The following CASZ1 variants were observed in gnomAD, a reference collection of about 807,000 sequenced individuals.
CASZ1 encodes the protein castor zinc finger 1, also known as zinc finger protein castor homolog 1.
CASZ1 carries 28 observed loss-of-function variants against 135.2 expected under a neutral mutation model. That is an observed-to-expected ratio of 0.21 (90% CI 0.15 to 0.28). CASZ1 has a LOEUF of 0.28. Ranked by LOEUF, CASZ1 falls within the 10% of genes least tolerant of loss-of-function variation. The probability of loss-of-function intolerance (pLI) is 1.00; values close to 1 mark genes in which losing one functional copy is unlikely to be tolerated. For synonymous variants in CASZ1, 1,068 were observed against 1,073.4 expected, an observed-to-expected ratio of 0.99 and a Z score of 0.10; for missense variants, 2,161 against 2,453.3, an observed-to-expected ratio of 0.88 and a Z score of 2.52.
chr1:10,722,704 G>A (rs1639523569), intron 2 of CASZ1, among the ~76,000 whole-genome samples: 2 of 152,238 alleles, frequency 1.3e-5, no homozygotes, highest in Non-Finnish European at 2.9e-5. Flanking sequence ...CAGCAGAGCC[G>A]TGGTGGTGGC....
intron 9 of CASZ1, 77 bp downstream of exon 9, chr1:10,655,572 T>C (rs1303545110): frequency 1.4e-6 from 2 of 1,401,082 alleles, no homozygotes; most frequent in Non-Finnish European, 2.0e-6. Context: ...GCCCTGCCTC[T>C]GGGAGTGGGG....
At chr1:10,723,618 C>T (rs779341660) in intron 2 of CASZ1, among the ~76,000 whole-genome samples, 5 of 152,190 alleles carry the variant, frequency 3.3e-5, no homozygotes, top group African/African-American at 7.2e-5. Context: ...TGGGGTCCTG[C>T]GCTTTGCAGG....
At chr1:10,678,910 G>C (rs927655205) in intron 4 of CASZ1, among the ~76,000 whole-genome samples, 6 of 152,196 alleles carry the variant, frequency 3.9e-5, no homozygotes, top group African/African-American at 1.4e-4. Flanking sequence ...AGCTCCATTA[G>C]CCTAAATTCT....
intron 1 of CASZ1, among the ~76,000 whole-genome samples, chr1:10,786,911 C>T (rs1640869467): frequency 6.6e-6 from 1 of 152,118 alleles, no homozygotes; most frequent in Admixed American, 6.5e-5. Context: ...GTAACCCCAG[C>T]ACCACCCGCG....
chr1:10,654,152 G>C lies in CASZ1; in HGVS notation c.1905C>G (p.Ile635Met). Reference protein sequence around the residue: ...CDIEKHKSYHIKDDAYAKDGF... With the variant: ...CDIEKHKSYHMKDDAYAKDGF... ...CGTCCTTGGCGTAGGCATCGTCCTTGATGTGGTAGCTCTTGTGCTTCTCGA... is the reference window on the plus strand; with the variant it reads ...CGTCCTTGGCGTAGGCATCGTCCTTCATGTGGTAGCTCTTGTGCTTCTCGA... Residue 635 changes from isoleucine to methionine, a missense_variant, in exon 11 of 21, where the codon ATC (isoleucine) becomes ATG (methionine). Ile to Met is a conservative substitution (Grantham distance 10, BLOSUM62 1). Coordinates refer to ENST00000377022, the MANE Select transcript of CASZ1 (RefSeq NM_001079843.3). The C allele has an allele frequency of 6.2e-7, 1 of 1,614,232 alleles. No individual in the cohort carries two copies. Among genetic ancestry groups the C allele is most frequent in the South Asian group, 1.1e-5 (1 of 91,084 alleles).
At chr1:10,696,756 G>A (rs754824912) in intron 3 of CASZ1, among the ~76,000 whole-genome samples, 8 of 152,226 alleles carry the variant, frequency 5.3e-5, no homozygotes, top group Non-Finnish European at 1.0e-4. Flanking sequence ...GCTTGCATAC[G>A]TGACCCACAC....
chr1:10,651,093 G>C lies in CASZ1; in HGVS notation c.2681-17C>G, dbSNP rs1173735394. 6.7e-7 allele frequency: 1 copy of C among 1,489,604 alleles called. No individual in the cohort carries two copies. Among genetic ancestry groups the C allele is most frequent in the African/African-American group, 1.4e-5 (1 of 70,842 alleles). The allele number at this position is 1,489,604 out of a possible 1,614,324, so 92.3% of individuals were successfully genotyped here. On this transcript the variant is annotated splice_polypyrimidine_tract_variant and intron_variant, in intron 11 of 20. Coordinates refer to ENST00000377022, the MANE Select transcript of CASZ1 (RefSeq NM_001079843.3). ...GCCCGCTTCCTGCAGGGGAGGGGTG[G>C]GAAGATGCGTCAGAGGGGCTGAAGG...
Position 10,730,103 on chromosome 1 carries a change from C to CTTTATTTA in CASZ1, c.-76-24567_-76-24560dup, listed in dbSNP as rs143871407. Among the ~76,000 whole-genome samples the CTTTATTTA allele has an allele frequency of 5.3e-5, 8 of 151,468 alleles. No individual in the cohort carries two copies. In the East Asian group the frequency reaches 9.7e-4, roughly 18 times the overall value. On this transcript the variant is annotated intron_variant, in intron 2 of 20. Coordinates refer to ENST00000377022, the MANE Select transcript of CASZ1 (RefSeq NM_001079843.3). ...GTGCTGGGATTACAAGCCATATTCA[C>CTTTATTTA]TTTATTTATTTATTTATTTATTTTT...
rs1642411102 is a variant in CASZ1, at chr1:10,647,802, TCTC to T, written c.3493_3495del (p.Glu1165del). ...CTCCCGGCTCATCGAGGGACTCACT[TCTC>T]CTGGAACTGGAGGAATCCGGGTTTG... is the stretch of plus-strand genomic sequence containing the variant. On this transcript the variant is annotated inframe_deletion and splice_region_variant, in exon 16 of 21. Transcript: ENST00000377022. The surrounding 1 kb of genome is among the most constrained non-coding windows in gnomAD (Gnocchi z 4.9). 2 of 1,613,376 alleles carry T rather than the reference TCTC, an allele frequency of 1.2e-6. No homozygotes were observed. The highest frequency in any genetic ancestry group is 1.3e-5 in the African/African-American group (1 of 75,000).
chr1:10,784,708 C>T (rs1429156032), intron 1 of CASZ1, among the ~76,000 whole-genome samples: 1 of 152,168 alleles, frequency 6.6e-6, no homozygotes, highest in Admixed American at 6.5e-5. Flanking sequence ...GGACTACAGG[C>T]TTCCACCACC....
chr1:10,663,107 A>G (rs1643103108), intron 5 of CASZ1, among the ~76,000 whole-genome samples: 1 of 152,180 alleles, frequency 6.6e-6, no homozygotes, highest in Non-Finnish European at 1.5e-5. Flanking sequence ...GCTCATGTGC[A>G]AGCCAGCCAC....
At position 10,650,987 on chromosome 1, in the gene CASZ1, C is replaced by T. The variant is rs1212936540; in HGVS notation, c.2770G>A (p.Glu924Lys). The change falls in exon 12 of 21, where the codon GAA becomes AAA. Residue 924 changes from glutamate to lysine, a missense_variant. Physicochemically the swap from Glu to Lys is moderately conservative, Grantham distance 56. Coordinates refer to ENST00000377022, the MANE Select transcript of CASZ1 (RefSeq NM_001079843.3). ...GESTGAPGPH[E>K]ASQDRSLDLT... ...TCTAGACTGCGGTCCTGGGAGGCTT[C>T]GTGGGGGCCTGGGGCGCCGGTGCTC... 10 of 1,578,658 alleles carry T rather than the reference C, an allele frequency of 6.3e-6. No individual in the cohort carries two copies. The highest frequency in any genetic ancestry group is 4.5e-5 in the East Asian group (2 of 44,418).
chr1:10,773,629 C>A (rs1640612480), intron 1 of CASZ1, among the ~76,000 whole-genome samples: 1 of 152,070 alleles, frequency 6.6e-6, no homozygotes, highest in South Asian at 2.1e-4. Flanking sequence ...TCTCAGCATA[C>A]TTGGCCGGGG....
At chr1:10,703,453 C>T (rs1429005228) in intron 3 of CASZ1, among the ~76,000 whole-genome samples, 1 of 152,158 alleles carries the variant, frequency 6.6e-6, no homozygotes, top group Non-Finnish European at 1.5e-5. Flanking sequence ...GATAACTCAA[C>T]CTTCACAGCT....
intron 4 of CASZ1, among the ~76,000 whole-genome samples, chr1:10,686,091 C>T (rs1170816257): frequency 6.6e-6 from 1 of 152,114 alleles, no homozygotes; most frequent in East Asian, 1.9e-4. Flanking sequence ...TGGCCCCCAC[C>T]TGACCCCTTC....
chr1:10,717,266 A>C lies in CASZ1; in HGVS notation c.-76-11722T>G, dbSNP rs1391494595. On this transcript the variant is annotated intron_variant, in intron 2 of 20. Transcript: ENST00000377022. The surrounding 1 kb of genome is among the most constrained non-coding windows in gnomAD (Gnocchi z 4.6). ...AGTTCCCACGGAACCCACTCACCCC[A>C]CCCCCAGCCTCTGCAGCTCCCCAGT... 1.3e-5 allele frequency among the ~76,000 whole-genome samples: 2 copies of C among 150,626 alleles called. No individual in the cohort carries two copies. The highest frequency in any genetic ancestry group is 6.6e-5 in the Admixed American group (1 of 15,154).
At chr1:10,680,816 C>T (rs1341401799) in intron 4 of CASZ1, among the ~76,000 whole-genome samples, 1 of 152,246 alleles carries the variant, frequency 6.6e-6, no homozygotes, top group Non-Finnish European at 1.5e-5. Flanking sequence ...CAGACGCAGC[C>T]CCAGTCTTTG....
intron 17 of CASZ1, 63 bp from the exon 18 acceptor site, chr1:10,645,151 G>T (rs982119367): frequency 6.7e-7 from 1 of 1,486,776 alleles, no homozygotes; most frequent in Non-Finnish European, 9.3e-7. Context: ...TGCCTGCCCC[G>T]GGCCTGAGGC....
rs957387874 is a variant in CASZ1 at position 10,781,042 on chromosome 1, C to G, written c.-234+15522G>C. Among the ~76,000 whole-genome samples the G allele has an allele frequency of 2.0e-5, 3 of 152,248 alleles. No individual in the cohort carries two copies. In the East Asian group the frequency reaches 5.8e-4, roughly 29 times the overall value. ...AAGACCCTTCTCCTGCACCCCCTCT[C>G]CAACTTCATTCACATCCTTCACCTG... On this transcript the variant is annotated intron_variant, in intron 1 of 20. Coordinates refer to ENST00000377022, the MANE Select transcript of CASZ1 (RefSeq NM_001079843.3).
Sources: gnomAD v4.1 joint callset for allele counts (sites outside exome capture counted in the v4.1 genomes callset) on GRCh38, gnomAD v4.1.1 for gene constraint, Gnocchi (gnomAD v3.1) non-coding constraint, MANE v1.5 for transcripts, NCBI Gene and HGNC (gene_info 2026-07-23, HGNC 2026-07-21) for gene names.